The following EVC2 variants were observed in gnomAD, a reference collection of about 807,000 sequenced individuals.
EVC2 encodes EvC ciliary complex subunit 2.
A neutral mutation model predicts 149.3 loss-of-function variants in EVC2; 148 were observed. The ratio of observed to expected loss-of-function variants is 0.99; its 90% confidence interval spans 0.87 to 1.14. The LOEUF (loss-of-function observed/expected upper bound fraction) is 1.14. EVC2 is among the 50% of genes most tolerant of loss of function. EVC2 has a pLI of 0.00. For missense variants in EVC2, 1,854 were observed against 1,627.3 expected (o/e 1.14, Z -2.40); for synonymous variants, 776 against 649.9 (o/e 1.19, Z -2.95).
At position 5,622,865 on chromosome 4, in the gene EVC2, G is replaced by GCAGCTCCTC. The variant is rs1344536427; in HGVS notation, c.2164_2172dup (p.Glu722_Leu724dup). On this transcript the variant is annotated inframe_insertion, in exon 14 of 22. Coordinates refer to ENST00000344408, the MANE Select transcript of EVC2 (RefSeq NM_147127.5). The surrounding 1 kb of genome is among the most constrained non-coding windows in gnomAD (Gnocchi z 5.8). ...AGGGCGGCCTGGTCCAGACGCTCCT[G>GCAGCTCCTC]CAGCTCCTCCAGGGTGGCACCGTGC... 2 of 1,614,024 alleles carry GCAGCTCCTC rather than the reference G, an allele frequency of 1.2e-6. No individual in the cohort carries two copies. The highest frequency in any genetic ancestry group is 2.7e-5 in the African/African-American group (2 of 74,912).
chr4:5,708,343 C>T lies in EVC2; in HGVS notation c.171G>A (p.Gly57=). 1.3e-6 allele frequency: 2 copies of T among 1,485,468 alleles called. No homozygotes were observed. The highest frequency in any genetic ancestry group is 1.3e-5 in the South Asian group (1 of 77,558). The allele number at this position is 1,485,468 out of a possible 1,614,324, so 92.0% of individuals were successfully genotyped here. ...GCCCCGGAGGGATCCTCAGGCCGGG[C>T]CCAGACCTAGGAGCCACCTGGGGAT... The part of the protein sequence containing the change: ...PRDPQVAPRS[G]PGLRIPPGRS... The change falls in exon 1 of 22, where the codon GGG becomes GGA. Residue 57 remains glycine, a synonymous_variant. Transcript: ENST00000344408.
At chr4:5,663,073 T>C in intron 9 of EVC2, 34 bp downstream of exon 9, 1 of 1,553,478 alleles carries the variant, frequency 6.4e-7, no homozygotes, top group South Asian at 1.1e-5. Context: ...ATTCATCACA[T>C]GTGTGTAAGT....
At chr4:5,689,451 G>T in intron 4 of EVC2, 108 bp from the exon 5 acceptor site, 1 of 1,111,938 alleles carries the variant, frequency 9.0e-7, no homozygotes. Flanking sequence ...AAGAAGGAGG[G>T]TAGCACGGTC....
Position 5,683,117 on chromosome 4 carries a change from G to C in EVC2, c.817-1804C>G, listed in dbSNP as rs377544477. Among the ~76,000 whole-genome samples, 18 of 152,294 alleles carry C rather than the reference G, an allele frequency of 1.2e-4. No homozygotes were observed. The East Asian group carries it at 1.9e-3, about 16-fold the overall frequency. The stretch of plus-strand genomic sequence containing the variant: ...AGGCTTCAGCGAAAATCAAAATACC[G>C]TAAGTCCTCTTTTCATAGGAGGGAA... On this transcript the variant is annotated intron_variant, in intron 6 of 21. Coordinates refer to ENST00000344408, the MANE Select transcript of EVC2 (RefSeq NM_147127.5).
Position 5,640,777 on chromosome 4 carries a change from T to C in EVC2, c.1207A>G (p.Ser403Gly), listed in dbSNP as rs753504773. ...AGCAGAAGGGCAATGATATCCTTGC[T>C]GATTTGTGTTCGACAAGCCTCCAGA... is the stretch of plus-strand genomic sequence containing the variant. ...ADLEACRTQI[S>G]KDIIALLLKN... Residue 403 changes from serine (S) to glycine (G), a missense_variant, in exon 10 of 22, where the codon AGC becomes GGC. Transcript: ENST00000344408. This position sits in a 1 kb window ranked among gnomAD's most constrained non-coding sequence, Gnocchi z 4.6. 1 of 1,614,104 alleles carries C rather than the reference T, an allele frequency of 6.2e-7. No homozygotes were observed. The highest frequency in any genetic ancestry group is 1.3e-5 in the African/African-American group (1 of 74,944).
chr4:5,671,614 C>T (rs534107280), intron 7 of EVC2, among the ~76,000 whole-genome samples: 34 of 152,294 alleles, frequency 2.2e-4, no homozygotes, highest in African/African-American at 4.3e-4. Context: ...TGGGTTCAAG[C>T]GATTCTCCTG....
intron 7 of EVC2, among the ~76,000 whole-genome samples, chr4:5,671,180 T>C (rs1023541867): frequency 2.0e-5 from 3 of 152,192 alleles, no homozygotes; most frequent in Non-Finnish European, 4.4e-5. Flanking sequence ...AAAAAGTTTT[T>C]AAAATGGCCC....
At chr4:5,571,376 G>A (rs1476236044) in intron 19 of EVC2, among the ~76,000 whole-genome samples, 1 of 150,518 alleles carries the variant, frequency 6.6e-6, no homozygotes, top group East Asian at 1.9e-4. Context: ...TCAGGTGGTG[G>A]GTGCACCAAA....
intron 12 of EVC2, among the ~76,000 whole-genome samples, 177 bp from the exon 13 acceptor site, chr4:5,626,085 A>C (rs990124475): frequency 6.6e-6 from 1 of 152,214 alleles, no homozygotes; most frequent in African/African-American, 2.4e-5. Flanking sequence ...TAGCAGAGTA[A>C]GGGCAGAGAA....
At chr4:5,645,943 C>T (rs1392768320) in intron 9 of EVC2, among the ~76,000 whole-genome samples, 1 of 151,964 alleles carries the variant, frequency 6.6e-6, no homozygotes, top group African/African-American at 2.4e-5. Context: ...TTTATTTTTT[C>T]AGACAGAATC....
chr4:5,562,758 G>A lies in EVC2; in HGVS notation c.*90C>T, dbSNP rs115810595. ...TTCTGCATGTGCAATTTATATTTGC[G>A]AGTTGTGCATTATAAACACACAAAC... On this transcript the variant is annotated 3_prime_UTR_variant, in exon 22 of 22. Coordinates refer to ENST00000344408, the MANE Select transcript of EVC2 (RefSeq NM_147127.5). This position sits in a 1 kb window ranked among gnomAD's most constrained non-coding sequence, Gnocchi z 4.3. 3.1e-3 allele frequency: 5,019 copies of A among 1,600,806 alleles called. 19 individuals carry two copies. The highest frequency in any genetic ancestry group is 3.5e-3 in the Non-Finnish European group (4,122 of 1,179,338).
chr4:5,536,771 A>G, the EVC2 span, among the ~76,000 whole-genome samples: 2 of 147,892 alleles, frequency 1.4e-5, no homozygotes, highest in South Asian at 4.5e-4. Context: ...GCGACAGAGC[A>G]AGACTCTGTC....
intron 9 of EVC2, among the ~76,000 whole-genome samples, chr4:5,641,951 CCT>C (rs1248130623): frequency 3.9e-5 from 6 of 152,240 alleles, no homozygotes; most frequent in South Asian, 2.1e-4. Context: ...CCTCTTACCC[CCT>C]GACAGGCCCT....
chr4:5,699,660 A>G (rs1721704589), intron 1 of EVC2, among the ~76,000 whole-genome samples: 1 of 147,338 alleles, frequency 6.8e-6, no homozygotes, highest in Non-Finnish European at 1.5e-5. Context: ...AAAAAAAAAG[A>G]AAAAAAGAAA....
chr4:5,531,407 C>G, the EVC2 span, among the ~76,000 whole-genome samples: 1 of 152,186 alleles, frequency 6.6e-6, no homozygotes, highest in African/African-American at 2.4e-5. Flanking sequence ...GTCTCCAACC[C>G]CTAGGCCACA....
At chr4:5,662,459 AATT>A (rs1208683458) in intron 9 of EVC2, among the ~76,000 whole-genome samples, 38 of 145,904 alleles carry the variant, frequency 2.6e-4, no homozygotes, top group Non-Finnish European at 3.6e-4. Context: ...ATTATTCAAT[AATT>A]ATTATTAATA....
At chr4:5,587,871 G>A (rs1015574385) in intron 16 of EVC2, among the ~76,000 whole-genome samples, 1 of 152,146 alleles carries the variant, frequency 6.6e-6, no homozygotes, top group African/African-American at 2.4e-5. Context: ...TAGATCAGGG[G>A]TCAATCTTTA....
intron 21 of EVC2, among the ~76,000 whole-genome samples, chr4:5,546,710 T>C (rs1387644998): frequency 2.7e-5 from 4 of 150,568 alleles, no homozygotes; most frequent in Non-Finnish European, 4.4e-5. Flanking sequence ...AAACTTAAAG[T>C]ATAATAATAA....
At chr4:5,610,538 G>A (rs1024401954) in intron 16 of EVC2, among the ~76,000 whole-genome samples, 3 of 152,186 alleles carry the variant, frequency 2.0e-5, no homozygotes, top group African/African-American at 7.2e-5. Flanking sequence ...GGTCTAGCTT[G>A]TGCATGTGGG....
Sources: gnomAD v4.1 joint callset for allele counts (sites outside exome capture counted in the v4.1 genomes callset) on GRCh38, gnomAD v4.1.1 for gene constraint, Gnocchi (gnomAD v3.1) non-coding constraint, MANE v1.5 for transcripts, NCBI Gene and HGNC (gene_info 2026-07-23, HGNC 2026-07-21) for gene names.